Variants in FNTA observed in about 807,000 individuals in gnomAD.
The protein encoded by FNTA is protein farnesyltransferase/geranylgeranyltransferase type-1 subunit alpha.
A neutral mutation model predicts 55.2 loss-of-function variants in FNTA; 27 were observed. The observed-to-expected ratio is 0.49, with a 90% CI of 0.36 to 0.67. The LOEUF (loss-of-function observed/expected upper bound fraction) is 0.67. Among genes scored for constraint, FNTA ranks in the 30% least tolerant of loss-of-function variants. The pLI, the probability that FNTA is intolerant of heterozygous loss-of-function variation, is 0.00. For synonymous variants in FNTA, 176 were observed against 170.7 expected (o/e 1.03, Z -0.24); for missense variants, 422 against 464.7 (o/e 0.91, Z 0.85).
intron 5 of FNTA, 72 bp from the exon 6 acceptor site, chr8:43,077,144 T>C: frequency 9.0e-7 from 1 of 1,113,500 alleles, no homozygotes; most frequent in East Asian, 2.6e-5. Flanking sequence ...TTTGTTGTAG[T>C]TTTAATTTAT....
intron 8 of FNTA, 108 bp downstream of exon 8, chr8:43,084,989 C>CA: frequency 8.0e-7 from 1 of 1,253,900 alleles, no homozygotes; most frequent in South Asian, 1.3e-5. Context: ...GAATTCAGTG[C>CA]AGGGCTATTT....
intron 1 of FNTA, among the ~76,000 whole-genome samples, chr8:43,057,906 G>A (rs1008460948): frequency 1.3e-5 from 2 of 150,700 alleles, no homozygotes; most frequent in African/African-American, 4.9e-5. Context: ...TGCAATGAGC[G>A]GAGATTGCGC....
chr8:43,062,327 G>A (rs1306234349), intron 2 of FNTA, among the ~76,000 whole-genome samples: 2 of 151,978 alleles, frequency 1.3e-5, no homozygotes, highest in African/African-American at 2.4e-5. Flanking sequence ...TGTTGCACAG[G>A]CTGGAGTACA....
intron 7 of FNTA, 66 bp from the exon 8 acceptor site, chr8:43,084,644 G>A: frequency 1.6e-6 from 2 of 1,273,816 alleles, no homozygotes; most frequent in Non-Finnish European, 2.2e-6. Context: ...ATTTTCTCTT[G>A]ATCTTTCTAC....
At chr8:43,073,152 TACTTAAA>T (rs776360041) in intron 5 of FNTA, among the ~76,000 whole-genome samples, 58 of 152,342 alleles carry the variant, frequency 3.8e-4, no homozygotes, top group Admixed American at 5.9e-4. Context: ...TTTCACCAAA[TACTTAAA>T]ACTTAAAAAT....
intron 6 of FNTA, chr8:43,079,583 T>C (rs1486620501): frequency 6.6e-6 from 1 of 152,252 alleles, no homozygotes; most frequent in African/African-American, 2.4e-5. Flanking sequence ...ACCCAAGAGC[T>C]CTAATGGAGA....
chr8:43,077,874 C>T (rs1016242309), intron 6 of FNTA: 4 of 152,222 alleles, frequency 2.6e-5, no homozygotes, highest in African/African-American at 9.7e-5. Context: ...TAGAGCTAGA[C>T]ATTTCTGAAT....
In FNTA at chr8:43,085,391, A is replaced by G; in HGVS notation, c.*109A>G. The G allele has an allele frequency of 1.0e-6, 1 of 999,682 alleles. No homozygotes were observed. The highest frequency in any genetic ancestry group is 1.5e-6 in the Non-Finnish European group (1 of 662,536). 61.9% of individuals were successfully genotyped at this position (999,682 alleles called of 1,614,324 possible). A position where few individuals can be genotyped will look rare whatever the true frequency, so the allele number is the denominator to read the frequency against. On this transcript the variant is annotated 3_prime_UTR_variant, in exon 9 of 9. Transcript: ENST00000302279. Reference sequence around the variant, plus strand: ...TTTGCCTGTGGTGTAAAAGTGCATCACACAGGTATTGCTTTTTAACAAGAA... The same window carrying G: ...TTTGCCTGTGGTGTAAAAGTGCATCGCACAGGTATTGCTTTTTAACAAGAA...
intron 3 of FNTA, among the ~76,000 whole-genome samples, chr8:43,067,629 A>G (rs1586656038): frequency 6.7e-6 from 1 of 149,160 alleles, no homozygotes; most frequent in Admixed American, 6.7e-5. Context: ...TTATATTTAC[A>G]TGCTCTGGGA....
intron 3 of FNTA, among the ~76,000 whole-genome samples, chr8:43,066,633 ATCT>A (rs1192684882): frequency 6.7e-6 from 1 of 149,014 alleles, no homozygotes; most frequent in Non-Finnish European, 1.5e-5. Context: ...TGGATGTGAG[ATCT>A]TCTCATCTCT....
At chr8:43,066,968 T>G (rs1262009468) in intron 3 of FNTA, among the ~76,000 whole-genome samples, 2 of 152,254 alleles carry the variant, frequency 1.3e-5, no homozygotes, top group Admixed American at 6.5e-5. Context: ...AGAGTCTCAC[T>G]GTTTAGGATA....
chr8:43,071,308 A>G (rs1563328204), intron 4 of FNTA, among the ~76,000 whole-genome samples: 1 of 152,320 alleles, frequency 6.6e-6, no homozygotes, highest in African/African-American at 2.4e-5. Context: ...ATAGATTTAT[A>G]TAAATATTTC....
In FNTA at chr8:43,068,614, G is replaced by A. The variant is rs113409713; in HGVS notation, c.402-941G>A. Among the ~76,000 whole-genome samples the A allele has an allele frequency of 2.0e-3, 305 of 151,046 alleles. 2 individuals carry two copies. The highest frequency in any genetic ancestry group is 3.9e-3 in the Non-Finnish European group (263 of 67,692). On this transcript the variant is annotated intron_variant, in intron 3 of 8. Coordinates refer to ENST00000302279, the MANE Select transcript of FNTA (RefSeq NM_002027.3). The stretch of plus-strand genomic sequence containing the variant: ...TTGATTTTCATATTATAGAACATAG[G>A]TGACCAGAGTAGTACCTGAAAATAA...
intron 5 of FNTA, among the ~76,000 whole-genome samples, chr8:43,076,456 T>C (rs1805000408): frequency 6.6e-6 from 1 of 152,236 alleles, no homozygotes; most frequent in South Asian, 2.1e-4. Context: ...GGATTGCCCA[T>C]GAGAGCCACC....
chr8:43,064,796 G>C (rs1324873664), intron 3 of FNTA, among the ~76,000 whole-genome samples: 1 of 151,006 alleles, frequency 6.6e-6, no homozygotes, highest in African/African-American at 2.4e-5. Flanking sequence ...TTGCTTAACT[G>C]TTATTATTTT....
At chr8:43,061,107 T>C (rs947579259) in intron 2 of FNTA, among the ~76,000 whole-genome samples, 1 of 152,250 alleles carries the variant, frequency 6.6e-6, no homozygotes, top group East Asian at 1.9e-4. Context: ...TATTAAGATA[T>C]ATGAAGAGCT....
In FNTA at chr8:43,084,720, G is replaced by A. The variant is rs1262778702; in HGVS notation, c.856G>A (p.Asp286Asn). 3.8e-6 allele frequency: 6 copies of A among 1,597,182 alleles called. No homozygotes were observed. Among genetic ancestry groups the A allele is most frequent in the Non-Finnish European group, 5.1e-6 (6 of 1,173,638 alleles). ...TGTTGTTGTTTACAGGATTTTGCAG[G>A]ATCGTGGTCTTTCCAAATATCCTAA... ...AWNYLKGILQ[D>N]RGLSKYPNLL... Residue 286 changes from aspartate (D) to asparagine (N), a missense_variant, in exon 8 of 9, where the codon GAT becomes AAT. Physicochemically the swap from Asp to Asn is conservative, Grantham distance 23 (BLOSUM62 1). Coordinates refer to ENST00000302279, the MANE Select transcript of FNTA (RefSeq NM_002027.3).
chr8:43,077,144 TTTTAA>T, intron 5 of FNTA, 67 bp from the exon 6 acceptor site: 3 of 1,113,500 alleles, frequency 2.7e-6, no homozygotes, highest in Non-Finnish European at 3.8e-6. Context: ...TTTGTTGTAG[TTTTAA>T]TTTATTTTTT....
At chr8:43,065,274 T>G (rs2130548899) in intron 3 of FNTA, among the ~76,000 whole-genome samples, 1 of 151,570 alleles carries the variant, frequency 6.6e-6, no homozygotes, top group South Asian at 2.1e-4. Context: ...TGAGATGGAG[T>G]TTCGCTCTTG....
Sources: gnomAD v4.1 joint callset for allele counts (sites outside exome capture counted in the v4.1 genomes callset) on GRCh38, gnomAD v4.1.1 for gene constraint, MANE v1.5 for transcripts, NCBI Gene and HGNC (gene_info 2026-07-23, HGNC 2026-07-21) for gene names.